DPF3: variants seen among roughly 807,000 people sequenced by gnomAD.
DPF3 encodes zinc finger protein DPF3.
A neutral mutation model predicts 56.8 loss-of-function variants in DPF3; 18 were observed. That is an observed-to-expected ratio of 0.32 (90% confidence interval 0.22 to 0.47). The LOEUF (loss-of-function observed/expected upper bound fraction) is 0.47. Among genes scored for constraint, DPF3 ranks in the 20% least tolerant of loss-of-function variants. The pLI, the probability that DPF3 is intolerant of heterozygous loss-of-function variation, is 1.00. For missense variants in DPF3, 403 were observed against 488.8 expected, an observed-to-expected ratio of 0.82 and a Z score of 1.65; for synonymous variants, 188 against 180.2, an observed-to-expected ratio of 1.04 and a Z score of -0.35.
chr14:72,862,772 C>T (rs551049687), intron 1 of DPF3, among the ~76,000 whole-genome samples: 4 of 152,252 alleles, frequency 2.6e-5, no homozygotes, highest in South Asian at 2.1e-4. Context: ...CCCCAACACT[C>T]CTGGTCCCAA....
intron 2 of DPF3, among the ~76,000 whole-genome samples, chr14:72,756,881 G>GA (rs1333672376): frequency 1.7e-3 from 139 of 81,020 alleles, no homozygotes; most frequent in African/African-American, 4.0e-3. Flanking sequence ...AGGAAGGAAA[G>GA]AAGGAAAGAA....
At chr14:72,856,669 C>T (rs918177946) in intron 1 of DPF3, among the ~76,000 whole-genome samples, 2 of 152,194 alleles carry the variant, frequency 1.3e-5, no homozygotes, top group African/African-American at 4.8e-5. Context: ...TAGCTGTTTC[C>T]TCCTCCATCT....
intron 1 of DPF3, among the ~76,000 whole-genome samples, chr14:72,815,195 GA>G (rs1883231099): frequency 6.6e-6 from 1 of 151,346 alleles, no homozygotes; most frequent in Non-Finnish European, 1.5e-5. Flanking sequence ...TTTCACAAAA[GA>G]AAAGATACAG....
chr14:72,818,336 A>AG (rs1883378974), intron 1 of DPF3, among the ~76,000 whole-genome samples: 1 of 150,032 alleles, frequency 6.7e-6, no homozygotes, highest in South Asian at 2.2e-4. Flanking sequence ...TAAGAATCAC[A>AG]AAAGGGAAAA....
chr14:72,678,051 T>C (rs1886993412), intron 7 of DPF3, among the ~76,000 whole-genome samples: 1 of 152,234 alleles, frequency 6.6e-6, no homozygotes, highest in South Asian at 2.1e-4. Context: ...ATGCTTTATA[T>C]ATGTTATTTC....
chr14:72,685,964 ACT>A (rs1463506194), intron 7 of DPF3, among the ~76,000 whole-genome samples: 3 of 151,946 alleles, frequency 2.0e-5, no homozygotes, highest in African/African-American at 4.8e-5. Flanking sequence ...GGGTTTTATG[ACT>A]CTGTCTTATT....
At chr14:72,657,965 C>G (rs941637925) in intron 8 of DPF3, among the ~76,000 whole-genome samples, 1 of 152,108 alleles carries the variant, frequency 6.6e-6, no homozygotes, top group Non-Finnish European at 1.5e-5. Flanking sequence ...CAAAAGAAAA[C>G]AAAACCAGAA....
At chr14:72,620,011 G>A (rs1281370921) in intron 9 of DPF3, 27 bp from the exon 10 acceptor site, 8 of 1,513,762 alleles carry the variant, frequency 5.3e-6, no homozygotes, top group Non-Finnish European at 7.0e-6. Flanking sequence ...TAAGCACAGA[G>A]GAGGAGAGAT....
At chr14:72,726,515 G>A (rs1453554600) in intron 4 of DPF3, among the ~76,000 whole-genome samples, 1 of 152,108 alleles carries the variant, frequency 6.6e-6, no homozygotes, top group South Asian at 2.1e-4. Flanking sequence ...TATGCCCTGG[G>A]CCTCAGATGT....
intron 1 of DPF3, among the ~76,000 whole-genome samples, chr14:72,791,101 T>C (rs931680118): frequency 6.6e-6 from 1 of 152,178 alleles, no homozygotes; most frequent in Admixed American, 6.5e-5. Flanking sequence ...TTCATACAGC[T>C]ACCTCTGCAA....
At chr14:72,716,746 G>A (rs984757112) in intron 5 of DPF3, among the ~76,000 whole-genome samples, 1 of 152,302 alleles carries the variant, frequency 6.6e-6, no homozygotes, top group South Asian at 2.1e-4. Flanking sequence ...CAGGCAGCGA[G>A]TCAGTCATCT....
intron 1 of DPF3, among the ~76,000 whole-genome samples, chr14:72,816,241 C>G (rs890197901): frequency 6.6e-6 from 1 of 152,196 alleles, no homozygotes; most frequent in African/African-American, 2.4e-5. Context: ...CTGGGCCTCC[C>G]CACCTCCCCA....
chr14:72,858,941 C>G (rs1283703121), intron 1 of DPF3, among the ~76,000 whole-genome samples: 1 of 152,056 alleles, frequency 6.6e-6, no homozygotes, highest in Non-Finnish European at 1.5e-5. Context: ...TGCTAAATAA[C>G]ACTATATATG....
At chr14:72,684,771 T>C (rs1887333834) in intron 7 of DPF3, among the ~76,000 whole-genome samples, 1 of 152,134 alleles carries the variant, frequency 6.6e-6, no homozygotes, top group South Asian at 2.1e-4. Flanking sequence ...CTGAAGTGTG[T>C]CCCTCATCCC....
intron 1 of DPF3, among the ~76,000 whole-genome samples, chr14:72,804,679 G>T (rs951523535): frequency 2.0e-5 from 3 of 152,156 alleles, no homozygotes; most frequent in African/African-American, 7.2e-5. Context: ...GCACGAGAAA[G>T]TGCCACTGCT....
At chr14:72,658,274 A>G (rs1292730706) in intron 8 of DPF3, among the ~76,000 whole-genome samples, 1 of 152,196 alleles carries the variant, frequency 6.6e-6, no homozygotes, top group Non-Finnish European at 1.5e-5. Context: ...ATAAATATCT[A>G]CATCTACTAT....
chr14:72,859,469 TCCCCCC>T (rs112629015), intron 1 of DPF3, among the ~76,000 whole-genome samples: 1 of 60,618 alleles, frequency 1.6e-5, no homozygotes, highest in African/African-American at 5.1e-5. Flanking sequence ...TGCAGCTTCC[TCCCCCC>T]CCCCCCCCAC....
chr14:72,713,161 C>T (rs1275810225), intron 6 of DPF3, among the ~76,000 whole-genome samples: 2 of 152,256 alleles, frequency 1.3e-5, no homozygotes, highest in Non-Finnish European at 2.9e-5. Flanking sequence ...AGACCCCATG[C>T]CCTGCTCCTT....
At chr14:72,637,455 T>G (rs774105345) in intron 8 of DPF3, among the ~76,000 whole-genome samples, 1 of 152,246 alleles carries the variant, frequency 6.6e-6, no homozygotes, top group South Asian at 2.1e-4. Context: ...ATTTATTCAT[T>G]TATTCATTCC....
Sources: gnomAD v4.1 joint callset for allele counts (sites outside exome capture counted in the v4.1 genomes callset) on GRCh38, gnomAD v4.1.1 for gene constraint, MANE v1.5 for transcripts, NCBI Gene and HGNC (gene_info 2026-07-23, HGNC 2026-07-21) for gene names.